INPP4B: variants seen among roughly 807,000 people sequenced by gnomAD.
INPP4B encodes inositol polyphosphate 4-phosphatase type II.
In INPP4B, 55 loss-of-function variants were observed where a neutral mutation model predicts 122.5. That is an observed-to-expected ratio of 0.45 (90% CI 0.36 to 0.56). INPP4B has a LOEUF of 0.56. Ranked by LOEUF, INPP4B falls within the 20% of genes least tolerant of loss-of-function variation. The pLI is 0.00. For synonymous variants in INPP4B, 403 were observed against 388.7 expected (o/e 1.04, Z -0.43); for missense variants, 1,000 against 1,097.7 (o/e 0.91, Z 1.26).
At chr4:142,739,551 A>T (rs943269610) in intron 1 of INPP4B, among the ~76,000 whole-genome samples, 2 of 152,020 alleles carry the variant, frequency 1.3e-5, no homozygotes, top group Non-Finnish European at 2.9e-5. Flanking sequence ...TTGAAATATC[A>T]AAAAATTATC....
At chr4:142,778,550 T>C (rs1774288909) in intron 1 of INPP4B, among the ~76,000 whole-genome samples, 1 of 152,102 alleles carries the variant, frequency 6.6e-6, no homozygotes, top group Non-Finnish European at 1.5e-5. Context: ...AACCCATCAT[T>C]AGAGAATTTT....
intron 2 of INPP4B, among the ~76,000 whole-genome samples, chr4:142,666,563 GA>G (rs1756115813): frequency 6.6e-6 from 1 of 151,812 alleles, no homozygotes; most frequent in African/African-American, 2.4e-5. Context: ...AAGCAAAAAA[GA>G]ACCCTACCAA....
intron 16 of INPP4B, among the ~76,000 whole-genome samples, chr4:142,169,945 G>A (rs974889973): frequency 4.0e-5 from 6 of 151,604 alleles, no homozygotes; most frequent in Admixed American, 4.0e-4. Flanking sequence ...GTGTTTGAAC[G>A]CTAATAGATT....
chr4:142,427,528 T>A, intron 5 of INPP4B: 1 of 626,300 alleles, frequency 1.6e-6, no homozygotes, highest in South Asian at 1.9e-5. Flanking sequence ...CTTGGCTTTC[T>A]AAACAAACAG....
intron 2 of INPP4B, among the ~76,000 whole-genome samples, chr4:142,629,004 T>G (rs111926614): frequency 1.6e-3 from 244 of 152,192 alleles, no homozygotes; most frequent in African/African-American, 5.8e-3. Flanking sequence ...TCTCACCCAT[T>G]TTTTATGGAA....
intron 1 of INPP4B, among the ~76,000 whole-genome samples, chr4:142,820,607 G>A (rs1359407309): frequency 6.6e-6 from 1 of 152,064 alleles, no homozygotes; most frequent in Non-Finnish European, 1.5e-5. Flanking sequence ...TCCTCATTTT[G>A]AGGTCACATA....
chr4:142,072,141 G>T (rs10018840), intron 25 of INPP4B, among the ~76,000 whole-genome samples: 3,756 of 152,208 alleles, frequency 0.025, 173 homozygotes, highest in African/African-American at 0.086. Flanking sequence ...TATACACCAT[G>T]GAATACTATG....
At chr4:142,721,020 T>C (rs1268391888) in intron 2 of INPP4B, among the ~76,000 whole-genome samples, 3 of 150,336 alleles carry the variant, frequency 2.0e-5, no homozygotes, top group African/African-American at 7.3e-5. Flanking sequence ...CTAGTGGACA[T>C]GTTACCAATT....
At chr4:142,385,795 T>TTAA (rs1795775837) in intron 7 of INPP4B, among the ~76,000 whole-genome samples, 1 of 152,200 alleles carries the variant, frequency 6.6e-6, no homozygotes, top group Admixed American at 6.6e-5. Context: ...TTTTAAAATT[T>TTAA]TACTGTTAAT....
intron 9 of INPP4B, among the ~76,000 whole-genome samples, chr4:142,291,289 C>T (rs1756363356): frequency 6.6e-6 from 1 of 152,148 alleles, no homozygotes; most frequent in Admixed American, 6.5e-5. Context: ...TCATCTAACT[C>T]AAATTTTTTA....
At chr4:142,073,128 T>A (rs765883938) in intron 25 of INPP4B, among the ~76,000 whole-genome samples, 60 of 152,112 alleles carry the variant, frequency 3.9e-4, no homozygotes, top group Non-Finnish European at 6.9e-4. Context: ...TTGTTACTAA[T>A]AAAATACCAA....
At chr4:142,186,546 A>C (rs1833286586) in intron 15 of INPP4B, among the ~76,000 whole-genome samples, 1 of 152,226 alleles carries the variant, frequency 6.6e-6, no homozygotes, top group Admixed American at 6.5e-5. Context: ...TAAGAGAATC[A>C]CTGCTAAAAC....
chr4:142,505,787 A>G (rs1315907599), intron 2 of INPP4B, among the ~76,000 whole-genome samples: 1 of 152,130 alleles, frequency 6.6e-6, no homozygotes, highest in African/African-American at 2.4e-5. Context: ...TTGTTTTGGT[A>G]TCCAAGAAAG....
intron 1 of INPP4B, among the ~76,000 whole-genome samples, chr4:142,733,115 T>C (rs1166617225): frequency 6.6e-6 from 1 of 152,104 alleles, no homozygotes; most frequent in African/African-American, 2.4e-5. Flanking sequence ...GAATTACATA[T>C]CAATTTGTGG....
At chr4:142,485,342 C>A (rs1162184346) in intron 2 of INPP4B, among the ~76,000 whole-genome samples, 2 of 152,082 alleles carry the variant, frequency 1.3e-5, no homozygotes, top group African/African-American at 2.4e-5. Context: ...TAATAGTCTT[C>A]ATCTCTGAGC....
intron 12 of INPP4B, among the ~76,000 whole-genome samples, chr4:142,226,159 A>G (rs1237238722): frequency 1.3e-5 from 2 of 152,244 alleles, no homozygotes; most frequent in African/African-American, 4.8e-5. Flanking sequence ...CAAGACCTAC[A>G]TAACTTGTCT....
chr4:142,545,737 A>ATGTG (rs1252741124), intron 2 of INPP4B, among the ~76,000 whole-genome samples: 45 of 100,680 alleles, frequency 4.5e-4, no homozygotes, highest in Admixed American at 1.9e-3. Context: ...ATATACACAT[A>ATGTG]TATGTGTATA....
At chr4:142,499,408 T>A (rs754320295) in intron 2 of INPP4B, among the ~76,000 whole-genome samples, 4 of 152,144 alleles carry the variant, frequency 2.6e-5, no homozygotes, top group African/African-American at 9.7e-5. Context: ...AACAAGAAAC[T>A]CACGAAGTCA....
At chr4:142,140,949 A>G (rs1469766089) in intron 18 of INPP4B, among the ~76,000 whole-genome samples, 1 of 152,186 alleles carries the variant, frequency 6.6e-6, no homozygotes, top group Non-Finnish European at 1.5e-5. Context: ...TATTAACTGT[A>G]TTTGTATCGC....
Sources: allele counts gnomAD v4.1 joint callset (sites outside exome capture counted in the v4.1 genomes callset), GRCh38; gene constraint gnomAD v4.1.1; transcripts MANE v1.5; gene names NCBI Gene and HGNC (gene_info 2026-07-23, HGNC 2026-07-21).